MTUS2: variants seen among roughly 807,000 people sequenced by gnomAD.
The protein encoded by MTUS2 is microtubule associated scaffold protein 2, also known as microtubule-associated tumor suppressor candidate 2.
A neutral mutation model predicts 114.1 loss-of-function variants in MTUS2; 40 were observed. The ratio of observed to expected loss-of-function variants is 0.35; its 90% CI spans 0.27 to 0.46. The LOEUF is 0.46. Among genes scored for constraint, MTUS2 ranks in the 20% least tolerant of loss-of-function variants. MTUS2 has a pLI of 1.00. For missense variants in MTUS2, 1,679 were observed against 1,705.4 expected (o/e 0.98, Z 0.27); for synonymous variants, 688 against 672.0 (o/e 1.02, Z -0.37).
intron 2 of MTUS2, among the ~76,000 whole-genome samples, chr13:29,008,341 T>G (rs896144360): frequency 6.6e-6 from 1 of 152,192 alleles, no homozygotes; most frequent in African/African-American, 2.4e-5. Context: ...ACTTAATAAA[T>G]GCAATCAACC....
intron 2 of MTUS2, among the ~76,000 whole-genome samples, chr13:28,945,312 A>AT (rs1455253992): frequency 1.7e-3 from 251 of 150,932 alleles, no homozygotes; most frequent in African/African-American, 5.6e-3. Context: ...CGATATAATG[A>AT]TTTTTTTTTC....
intron 2 of MTUS2, among the ~76,000 whole-genome samples, chr13:28,851,551 C>T (rs1306767918): frequency 6.6e-6 from 1 of 152,210 alleles, no homozygotes; most frequent in Non-Finnish European, 1.5e-5. Flanking sequence ...TCTTGCCCTC[C>T]AGGCACTTAG....
intron 7 of MTUS2, among the ~76,000 whole-genome samples, chr13:29,337,549 G>A (rs541609235): frequency 2.4e-4 from 36 of 151,998 alleles, no homozygotes; most frequent in African/African-American, 7.2e-4. Context: ...CGCCTTCTGC[G>A]TTGATCTCGC....
chr13:29,287,281 G>A (rs1182660303), intron 6 of MTUS2, among the ~76,000 whole-genome samples: 5 of 152,212 alleles, frequency 3.3e-5, no homozygotes, highest in Admixed American at 3.3e-4. Flanking sequence ...TGTGAAGGGG[G>A]ATGGTGTGAA....
chr13:29,359,106 CCTGA>C (rs1225496054), intron 7 of MTUS2, among the ~76,000 whole-genome samples, 152 bp from the exon 8 acceptor site: 2 of 152,232 alleles, frequency 1.3e-5, no homozygotes, highest in South Asian at 2.1e-4. Context: ...AATTTTAGTC[CCTGA>C]CTGTTTTTTC....
chr13:29,261,857 A>G (rs887369682), intron 5 of MTUS2, among the ~76,000 whole-genome samples: 7 of 152,220 alleles, frequency 4.6e-5, no homozygotes, highest in African/African-American at 1.7e-4. Context: ...AGTACTTCAG[A>G]TAGGGAAAAG....
At chr13:29,151,776 A>G (rs1165811860) in intron 5 of MTUS2, among the ~76,000 whole-genome samples, 1 of 152,154 alleles carries the variant, frequency 6.6e-6, no homozygotes, top group Admixed American at 6.5e-5. Context: ...GTTTTAATGC[A>G]TGTATTGAGA....
At chr13:29,157,930 A>T (rs934073998) in intron 5 of MTUS2, among the ~76,000 whole-genome samples, 2 of 152,234 alleles carry the variant, frequency 1.3e-5, no homozygotes, top group Non-Finnish European at 2.9e-5. Flanking sequence ...AAGTTGGTTA[A>T]GTGGGTCTAC....
intron 2 of MTUS2, among the ~76,000 whole-genome samples, chr13:28,888,890 G>T: frequency 6.6e-6 from 1 of 152,192 alleles, no homozygotes. Context: ...GAATTGCATT[G>T]TCAAGTGTCC....
At chr13:28,838,857 A>T (rs1018237221) in intron 1 of MTUS2, among the ~76,000 whole-genome samples, 2 of 152,210 alleles carry the variant, frequency 1.3e-5, no homozygotes, top group African/African-American at 4.8e-5. Context: ...TTCCTTTCTT[A>T]TCTTTTAGAT....
At chr13:28,991,471 C>T (rs986195214) in intron 2 of MTUS2, among the ~76,000 whole-genome samples, 5 of 151,790 alleles carry the variant, frequency 3.3e-5, no homozygotes, top group African/African-American at 1.2e-4. Context: ...CGGGTTCACG[C>T]CATTCTCCTG....
intron 6 of MTUS2, among the ~76,000 whole-genome samples, chr13:29,286,951 G>GTGCTGGGAT (rs1277411518): frequency 1.3e-5 from 2 of 152,184 alleles, no homozygotes; most frequent in East Asian, 3.9e-4. Context: ...GCCTCCCAAA[G>GTGCTGGGAT]TGCTGGGATT....
intron 1 of MTUS2, among the ~76,000 whole-genome samples, chr13:28,828,245 G>A (rs1874409685): frequency 6.6e-6 from 1 of 152,168 alleles, no homozygotes; most frequent in Non-Finnish European, 1.5e-5. Context: ...AAGCCCACAG[G>A]CAGCCAGACT....
At chr13:29,411,361 T>G (rs922888941) in intron 8 of MTUS2, among the ~76,000 whole-genome samples, 3 of 152,244 alleles carry the variant, frequency 2.0e-5, no homozygotes. Flanking sequence ...ATGCCAGCTT[T>G]ATCTTATAAT....
At chr13:29,146,018 G>C (rs1391542243) in intron 5 of MTUS2, among the ~76,000 whole-genome samples, 1 of 152,124 alleles carries the variant, frequency 6.6e-6, no homozygotes, top group Non-Finnish European at 1.5e-5. Context: ...ATGACTTTTT[G>C]CTTCTGTATT....
intron 2 of MTUS2, among the ~76,000 whole-genome samples, chr13:28,974,571 G>T (rs2138267536): frequency 6.6e-6 from 1 of 152,296 alleles, no homozygotes; most frequent in Non-Finnish European, 1.5e-5. Flanking sequence ...ATACTCATTT[G>T]TCTTTGCTCC....
At chr13:29,250,223 T>G (rs1897075140) in intron 5 of MTUS2, among the ~76,000 whole-genome samples, 1 of 152,070 alleles carries the variant, frequency 6.6e-6, no homozygotes, top group Non-Finnish European at 1.5e-5. Context: ...ATATTTTGAT[T>G]ATGTTGTGGT....
chr13:28,943,393 G>A (rs1285528899), intron 2 of MTUS2, among the ~76,000 whole-genome samples: 1 of 152,162 alleles, frequency 6.6e-6, no homozygotes, highest in Non-Finnish European at 1.5e-5. Context: ...GTCTAACCTG[G>A]TAGTCCTTAG....
At chr13:29,183,253 TGAGA>T (rs60832110) in intron 5 of MTUS2, among the ~76,000 whole-genome samples, 1,679 of 147,228 alleles carry the variant, frequency 0.011, 24 homozygotes, top group African/African-American at 0.037. Flanking sequence ...GATGTTGGGG[TGAGA>T]GAGAGAGAGA....
Sources: gnomAD v4.1 joint callset for allele counts (sites outside exome capture counted in the v4.1 genomes callset) on GRCh38, gnomAD v4.1.1 for gene constraint, MANE v1.5 for transcripts, NCBI Gene and HGNC (gene_info 2026-07-23, HGNC 2026-07-21) for gene names.